ATF7IP2: variants seen among roughly 807,000 people sequenced by gnomAD.
ATF7IP2 encodes activating transcription factor 7-interacting protein 2.
Under a neutral mutation model 64.2 loss-of-function variants are expected in ATF7IP2, and 42 were observed. The ratio of observed to expected loss-of-function variants is 0.65; its 90% CI spans 0.51 to 0.85. The LOEUF (loss-of-function observed/expected upper bound fraction) is 0.85, where lower values mean the gene tolerates loss of function less well. ATF7IP2 is among the 40% of genes least tolerant of loss of function. The pLI, the probability that ATF7IP2 is intolerant of heterozygous loss-of-function variation, is 0.00. For synonymous variants in ATF7IP2, 308 were observed against 272.8 expected, an observed-to-expected ratio of 1.13 and a Z score of -1.27; for missense variants, 933 against 784.2, an observed-to-expected ratio of 1.19 and a Z score of -2.27.
intron 1 of ATF7IP2, among the ~76,000 whole-genome samples, chr16:10,407,465 T>G (rs1303573485): frequency 6.6e-6 from 1 of 152,164 alleles, no homozygotes; most frequent in Non-Finnish European, 1.5e-5. Flanking sequence ...TGATAAGATC[T>G]TATATTTGGA....
intron 12 of ATF7IP2, 141 bp downstream of exon 12, chr16:10,474,130 C>A: frequency 1.8e-6 from 1 of 557,468 alleles, no homozygotes; most frequent in South Asian, 3.3e-5. Context: ...AGCTCATGTG[C>A]AGATTCATGT....
At chr16:10,465,625 G>A (rs772507790) in intron 9 of ATF7IP2, among the ~76,000 whole-genome samples, 2 of 150,592 alleles carry the variant, frequency 1.3e-5, no homozygotes, top group Non-Finnish European at 3.0e-5. Context: ...TGTAGTCCCA[G>A]CTACTCAGGA....
chr16:10,471,891 C>T lies in ATF7IP2; in HGVS notation c.1353-219C>T, dbSNP rs141153146. 5 of 345,806 alleles carry T rather than the reference C, an allele frequency of 1.4e-5. No individual in the cohort carries two copies. In the East Asian group the frequency reaches 2.4e-4, roughly 17 times the overall value. The allele number at this position is 345,806 out of a possible 1,614,324, so 21.4% of individuals were successfully genotyped here. On this transcript the variant is annotated intron_variant, in intron 9 of 13. Coordinates refer to ENST00000562102, the MANE Select transcript of ATF7IP2 (RefSeq NM_001393719.1). ...AAGACCCATAAAATGTAGTAGGGAT[C>T]TAATTATTGGATTTTGATGAATCTT...
intron 8 of ATF7IP2, among the ~76,000 whole-genome samples, chr16:10,453,789 G>T (rs530781654): frequency 1.3e-5 from 2 of 152,014 alleles, no homozygotes; most frequent in South Asian, 4.2e-4. Context: ...GGCTAATTTT[G>T]TATTTTTAGT....
intron 6 of ATF7IP2, among the ~76,000 whole-genome samples, chr16:10,435,507 T>G (rs1204994549): frequency 5.9e-5 from 9 of 152,324 alleles, no homozygotes; most frequent in African/African-American, 2.2e-4. Context: ...TAAAAACATT[T>G]ATGAGGTATT....
chr16:10,387,228 T>C (rs1356713914), intron 1 of ATF7IP2: 1 of 152,230 alleles, frequency 6.6e-6, no homozygotes, highest in African/African-American at 2.4e-5. Flanking sequence ...GGAAAGCAAT[T>C]GAAAATGCAA....
At position 10,426,400 on chromosome 16, in the gene ATF7IP2, A is replaced by G. The variant is rs997689461; in HGVS notation, c.-159-2468A>G. ...AATATTTAACTTACTTGCACCTTTT[A>G]TCAGCAGTTTTACTTGTCTCCCCTA... On this transcript the variant is annotated intron_variant, in intron 3 of 13. Coordinates refer to ENST00000562102, the MANE Select transcript of ATF7IP2 (RefSeq NM_001393719.1). Among the ~76,000 whole-genome samples, 12 of 152,176 alleles carry G rather than the reference A, an allele frequency of 7.9e-5. No individual in the cohort carries two copies. In the East Asian group the frequency reaches 2.3e-3, roughly 29 times the overall value.
chr16:10,480,682 T>C (rs1470914336), intron 12 of ATF7IP2, among the ~76,000 whole-genome samples, 197 bp from the exon 13 acceptor site: 1 of 151,002 alleles, frequency 6.6e-6, no homozygotes, highest in African/African-American at 2.4e-5. Flanking sequence ...TTAAGGGGAA[T>C]TTTTGTCACC....
chr16:10,397,349 G>A (rs1048467062), intron 1 of ATF7IP2, among the ~76,000 whole-genome samples: 4 of 152,170 alleles, frequency 2.6e-5, no homozygotes, highest in Non-Finnish European at 4.4e-5. Context: ...TTTTAGGATT[G>A]TATTTTTGAT....
intron 1 of ATF7IP2, among the ~76,000 whole-genome samples, chr16:10,406,678 T>C (rs1215732513): frequency 1.3e-5 from 2 of 152,104 alleles, no homozygotes; most frequent in African/African-American, 4.8e-5. Context: ...ATGGATCCAT[T>C]CCTAGGCACA....
chr16:10,471,677 T>A (rs1009774438), intron 9 of ATF7IP2, among the ~76,000 whole-genome samples: 1 of 152,198 alleles, frequency 6.6e-6, no homozygotes, highest in Non-Finnish European at 1.5e-5. Flanking sequence ...TAGCAGTTCT[T>A]TTTAAAATAA....
At chr16:10,434,076 G>A (rs975282115) in intron 6 of ATF7IP2, among the ~76,000 whole-genome samples, 2 of 152,156 alleles carry the variant, frequency 1.3e-5, no homozygotes, top group Non-Finnish European at 2.9e-5. Flanking sequence ...AAACAACCTG[G>A]AAGTCCATTG....
chr16:10,428,175 T>C (rs1310455277), intron 3 of ATF7IP2, among the ~76,000 whole-genome samples: 1 of 152,204 alleles, frequency 6.6e-6, no homozygotes, highest in Non-Finnish European at 1.5e-5. Context: ...GGGGCATAGT[T>C]TGGAGAAACA....
At chr16:10,444,174 T>C (rs140708303) in intron 8 of ATF7IP2, among the ~76,000 whole-genome samples, 12 of 152,304 alleles carry the variant, frequency 7.9e-5, no homozygotes, top group African/African-American at 2.2e-4. Context: ...TCAGGTTACA[T>C]TGATAAAATA....
chr16:10,431,238 T>A lies in ATF7IP2; in HGVS notation c.618T>A (p.Asn206Lys), dbSNP rs1360455547. The change falls in exon 5 of 14, where the codon AAT becomes AAA. Residue 206 changes from asparagine to lysine, a missense_variant. Coordinates refer to ENST00000562102, the MANE Select transcript of ATF7IP2 (RefSeq NM_001393719.1). ...TTTTCCATTTAGAAACAAACTCCAA[T>A]TCAGAATCACATGATAAAAGGCAAA... Reference protein sequence around the residue: ...QMVFHLETNSNSESHDKRQSD... With the variant: ...QMVFHLETNSKSESHDKRQSD... 1 of 1,614,172 alleles carries A rather than the reference T, an allele frequency of 6.2e-7. No homozygotes were observed. The highest frequency in any genetic ancestry group is 8.5e-7 in the Non-Finnish European group (1 of 1,180,000).
intron 2 of ATF7IP2, among the ~76,000 whole-genome samples, chr16:10,416,145 C>T (rs1047777598): frequency 6.6e-6 from 1 of 152,182 alleles, no homozygotes; most frequent in African/African-American, 2.4e-5. Context: ...GGGATATCTG[C>T]AATTCCATGT....
At chr16:10,454,668 T>G (rs972636439) in intron 8 of ATF7IP2, among the ~76,000 whole-genome samples, 13 of 152,180 alleles carry the variant, frequency 8.5e-5, no homozygotes, top group African/African-American at 3.1e-4. Flanking sequence ...TTTCTAACAT[T>G]AAACATTTAA....
chr16:10,396,114 C>A (rs1038981112), intron 1 of ATF7IP2, among the ~76,000 whole-genome samples: 2 of 152,020 alleles, frequency 1.3e-5, no homozygotes, highest in South Asian at 4.1e-4. Context: ...CATATACTTG[C>A]AAAGAGGAAT....
chr16:10,433,868 AG>A (rs1473026854), intron 6 of ATF7IP2, among the ~76,000 whole-genome samples: 1 of 152,216 alleles, frequency 6.6e-6, no homozygotes, highest in Non-Finnish European at 1.5e-5. Context: ...AGAATAACCT[AG>A]GGATCATGTG....
Sources: allele counts gnomAD v4.1 joint callset (sites outside exome capture counted in the v4.1 genomes callset), GRCh38; gene constraint gnomAD v4.1.1; transcripts MANE v1.5; gene names NCBI Gene and HGNC (gene_info 2026-07-23, HGNC 2026-07-21).